The following ZIK1 variants were observed in gnomAD, a reference collection of about 807,000 sequenced individuals.
The protein encoded by ZIK1 is zinc finger protein interacting with K protein 1, also known as zinc finger protein interacting with ribonucleoprotein K.
A neutral mutation model predicts 10.7 loss-of-function variants in ZIK1; 12 were observed. The observed-to-expected ratio is 1.12, with a 90% confidence interval of 0.72 to 1.81. The LOEUF (loss-of-function observed/expected upper bound fraction) is 1.81, where lower values mean the gene tolerates loss of function less well. Among genes scored for constraint, ZIK1 ranks in the 40% most tolerant of loss-of-function variants. The pLI is 0.00. For synonymous variants in ZIK1, 190 were observed against 205.0 expected, an observed-to-expected ratio of 0.93 and a Z score of 0.63; for missense variants, 497 against 585.7, an observed-to-expected ratio of 0.85 and a Z score of 1.56.
intron 2 of ZIK1, 111 bp downstream of exon 2, chr19:57,585,101 G>A: frequency 1.0e-6 from 1 of 979,498 alleles, no homozygotes; most frequent in Non-Finnish European, 1.5e-6. Flanking sequence ...TTCACAAACT[G>A]GAAGCTTGAC....
chr19:57,589,444 C>T, intron 3 of ZIK1: 4 of 985,400 alleles, frequency 4.1e-6, no homozygotes, highest in Non-Finnish European at 4.8e-6. Context: ...TTATTTTTAT[C>T]TATGACTTCT....
intron 1 of ZIK1, 100 bp downstream of exon 1, chr19:57,584,489 G>A: frequency 4.8e-6 from 7 of 1,459,168 alleles, no homozygotes; most frequent in Non-Finnish European, 6.4e-6. Flanking sequence ...GTGGGGGCTC[G>A]TGGGTGGGGT....
Position 57,590,022 on chromosome 19 carries a change from G to A in ZIK1, c.211G>A (p.Gly71Arg). Residue 71 changes from glycine to arginine, a missense_variant, in exon 4 of 4, where the codon GGA becomes AGA. By Grantham distance (125) the Gly-to-Arg change is moderately radical (BLOSUM62 -2). Coordinates refer to ENST00000597850, the MANE Select transcript of ZIK1 (RefSeq NM_001010879.4). Reference protein sequence around the residue: ...ALVASLGCGHGTEDEETPSDQ... With the variant: ...ALVASLGCGHRTEDEETPSDQ... Reference sequence around the variant, plus strand: ...TTCTCTGCTTTCAGGTTGTGGCCATGGAACAGAGGATGAAGAGACACCTTC... The same window carrying A: ...TTCTCTGCTTTCAGGTTGTGGCCATAGAACAGAGGATGAAGAGACACCTTC... 1 of 1,612,352 alleles carries A rather than the reference G, an allele frequency of 6.2e-7. No individual in the cohort carries two copies.
chr19:57,586,080 C>T (rs1979132020), intron 2 of ZIK1, among the ~76,000 whole-genome samples: 1 of 151,972 alleles, frequency 6.6e-6, no homozygotes, highest in South Asian at 2.1e-4. Context: ...TAGCTATTAT[C>T]ATAGTCTGAG....
chr19:57,584,948 A>G lies in ZIK1; in HGVS notation c.34-4A>G, dbSNP rs1225638380. The G allele has an allele frequency of 2.5e-6, 4 of 1,613,740 alleles. No homozygotes were observed. The highest frequency in any genetic ancestry group is 2.2e-5 in the East Asian group (1 of 44,858). ...TGCCTTTCATGATCTTTGGCTTTCC[A>G]CAGGTTACTGTGTCTCCAGAAACAC... On this transcript the variant is annotated splice_polypyrimidine_tract_variant and splice_region_variant and intron_variant, in intron 1 of 3. Transcript: ENST00000597850.
Position 57,590,151 on chromosome 19 carries a change from C to G in ZIK1, c.340C>G (p.His114Asp). Reference sequence around the variant, plus strand: ...TGTCCCAGTCCTGAAAGATATTTTGCATCTAGCTGATCTCCCTGGGCAGAA... The same window carrying G: ...TGTCCCAGTCCTGAAAGATATTTTGGATCTAGCTGATCTCCCTGGGCAGAA... Reference protein sequence around the residue: ...MCVPVLKDILHLADLPGQKPY... With the variant: ...MCVPVLKDILDLADLPGQKPY... The change falls in exon 4 of 4, where the codon CAT becomes GAT. Residue 114 changes from histidine (H) to aspartate (D), a missense_variant. Coordinates refer to ENST00000597850, the MANE Select transcript of ZIK1 (RefSeq NM_001010879.4). 6.2e-7 allele frequency: 1 copy of G among 1,614,196 alleles called. No individual in the cohort carries two copies. Among genetic ancestry groups the G allele is most frequent in the Non-Finnish European group, 8.5e-7 (1 of 1,180,036 alleles).
rs769774857 is a variant in ZIK1 at position 57,590,959 on chromosome 19, A to G, written c.1148A>G (p.Gln383Arg). The G allele has an allele frequency of 1.7e-5, 28 of 1,614,132 alleles. No homozygotes were observed. The highest frequency in any genetic ancestry group is 2.4e-5 in the Non-Finnish European group (28 of 1,180,024). The change falls in exon 4 of 4, where the codon CAG becomes CGG. Residue 383 changes from glutamine to arginine, a missense_variant. By Grantham distance (43) the Gln-to-Arg change is conservative (BLOSUM62 1). Coordinates refer to ENST00000597850, the MANE Select transcript of ZIK1 (RefSeq NM_001010879.4). ...HTGAKPYECG[Q>R]CGKSFSQKAT... ...GGAGCAAAGCCTTATGAGTGTGGCC[A>G]GTGTGGGAAATCCTTTAGTCAAAAA...
At position 57,588,644 on chromosome 19, in the gene ZIK1, T is replaced by G. The variant is rs1264684647; in HGVS notation, c.178T>G (p.Phe60Val). The G allele has an allele frequency of 1.3e-6, 2 of 1,576,856 alleles. No individual in the cohort carries two copies. The highest frequency in any genetic ancestry group is 2.7e-5 in the African/African-American group (2 of 74,016). ...GTACCTTGAAGTGATGCTGGAGAAC[T>G]TTGCCCTTGTAGCCTCACTGGGTAA... ...LLYLEVMLEN[F>V]ALVASLGCGH... is the part of the protein sequence containing the mutation. The change falls in exon 3 of 4, where the codon TTT (phenylalanine) becomes GTT (valine). Residue 60 changes from phenylalanine (F) to valine (V), a missense_variant. By Grantham distance (50) the Phe-to-Val change is conservative (BLOSUM62 -1). Coordinates refer to ENST00000597850, the MANE Select transcript of ZIK1 (RefSeq NM_001010879.4).
In ZIK1 at chr19:57,591,001, A is replaced by G. The variant is rs1303176006; in HGVS notation, c.1190A>G (p.His397Arg). ...AGTCAAAAAGCTACCCTCATTAAAC[A>G]CCAGAGAGTTCACACTGGAGAAAGG... ...SFSQKATLIK[H>R]QRVHTGERPY... Residue 397 changes from histidine (H) to arginine (R), a missense_variant, in exon 4 of 4, where the codon CAC becomes CGC. Physicochemically the swap from His to Arg is conservative, Grantham distance 29. Transcript: ENST00000597850. 1 of 1,614,176 alleles carries G rather than the reference A, an allele frequency of 6.2e-7. No homozygotes were observed. The highest frequency in any genetic ancestry group is 1.7e-5 in the Admixed American group (1 of 60,016).
chr19:57,592,787 G>A lies in ZIK1; in HGVS notation c.*1512G>A, dbSNP rs1183725014. 6.6e-6 allele frequency: 1 copy of A among 152,198 alleles called. No homozygotes were observed. Among genetic ancestry groups the A allele is most frequent in the Non-Finnish European group, 1.5e-5 (1 of 68,040 alleles). 9.4% of individuals were successfully genotyped at this position (152,198 alleles called of 1,614,324 possible). ...AACATGTTTTACAAACTTTCTTGAT[G>A]TGTAAGTGACATGCCATAGTTTACA... On this transcript the variant is annotated 3_prime_UTR_variant, in exon 4 of 4. Coordinates refer to ENST00000597850, the MANE Select transcript of ZIK1 (RefSeq NM_001010879.4).
intron 3 of ZIK1, chr19:57,589,801 C>A: frequency 1.3e-6 from 1 of 751,142 alleles, no homozygotes; most frequent in Non-Finnish European, 1.6e-6. Context: ...TGTCCTTCAT[C>A]CCATCCTTGT....
At chr19:57,586,849 C>T (rs1377382065) in intron 2 of ZIK1, among the ~76,000 whole-genome samples, 1 of 152,176 alleles carries the variant, frequency 6.6e-6, no homozygotes, top group African/African-American at 2.4e-5. Context: ...ATTGCTTCCA[C>T]ATTTTCAGTT....
Position 57,588,659 on chromosome 19 carries a change from T to C in ZIK1, c.193T>C (p.Ser65Pro). 1 of 1,560,698 alleles carries C rather than the reference T, an allele frequency of 6.4e-7. No individual in the cohort carries two copies. The highest frequency in any genetic ancestry group is 1.2e-5 in the South Asian group (1 of 82,726). Residue 65 changes from serine (S) to proline (P), a missense_variant, in exon 3 of 4, where the codon TCA (serine) becomes CCA (proline). Transcript: ENST00000597850. ...GCTGGAGAACTTTGCCCTTGTAGCCTCACTGGGTAAGGCCCTAATACCAAC... is the reference window on the plus strand; with the variant it reads ...GCTGGAGAACTTTGCCCTTGTAGCCCCACTGGGTAAGGCCCTAATACCAAC... ...VMLENFALVA[S>P]LGCGHGTEDE...
chr19:57,587,485 TAAAC>T (rs1019050484), intron 2 of ZIK1, among the ~76,000 whole-genome samples: 4 of 152,132 alleles, frequency 2.6e-5, no homozygotes, highest in South Asian at 2.1e-4. Context: ...TGAGTGCTCT[TAAAC>T]AAAGAGGCCA....
chr19:57,589,211 C>T, intron 3 of ZIK1: 1 of 967,912 alleles, frequency 1.0e-6, no homozygotes, highest in Non-Finnish European at 1.2e-6. Context: ...CATAGCTAGA[C>T]AACTGAGGGT....
At chr19:57,585,230 G>A (rs1168239840) in intron 2 of ZIK1, among the ~76,000 whole-genome samples, 1 of 152,214 alleles carries the variant, frequency 6.6e-6, no homozygotes. Flanking sequence ...CAGTGAAGCT[G>A]AGCTGATTCA....
chr19:57,584,700 G>A lies in ZIK1; in HGVS notation c.34-252G>A, dbSNP rs1978971783. On this transcript the variant is annotated intron_variant, in intron 1 of 3. Coordinates refer to ENST00000597850, the MANE Select transcript of ZIK1 (RefSeq NM_001010879.4). ...GCATATGGTCTGAGTTAGGTCTTTC[G>A]AAGTTTTCCAAAAACCTCATGGAGT... 4 of 1,281,254 alleles carry A rather than the reference G, an allele frequency of 3.1e-6. No individual in the cohort carries two copies. The African/African-American group carries it at 6.1e-5, about 19-fold the overall frequency. The allele number at this position is 1,281,254 out of a possible 1,614,324, so 79.4% of individuals were successfully genotyped here. A position where few individuals can be genotyped will look rare whatever the true frequency, so the allele number is the denominator to read the frequency against.
chr19:57,585,030 C>G lies in ZIK1; in HGVS notation c.72+40C>G, dbSNP rs1475376942. 8 of 1,591,502 alleles carry G rather than the reference C, an allele frequency of 5.0e-6. No homozygotes were observed. The South Asian group carries it at 8.0e-5, about 16-fold the overall frequency. Reference sequence around the variant, plus strand: ...TCCCAGGCCCTCACTGGTCCTGGCCCCATCCTGGGGTTTTTTCATGGATCT... The same window carrying G: ...TCCCAGGCCCTCACTGGTCCTGGCCGCATCCTGGGGTTTTTTCATGGATCT... On this transcript the variant is annotated intron_variant, in intron 2 of 3. Coordinates refer to ENST00000597850, the MANE Select transcript of ZIK1 (RefSeq NM_001010879.4).
intron 2 of ZIK1, 28 bp from the exon 3 acceptor site, chr19:57,588,511 G>A (rs770567913): frequency 7.1e-7 from 1 of 1,415,448 alleles, no homozygotes; most frequent in South Asian, 1.7e-5. Flanking sequence ...GGCGTTGATT[G>A]TGGAGTGACC....
Sources: gnomAD v4.1 joint callset for allele counts (sites outside exome capture counted in the v4.1 genomes callset) on GRCh38, gnomAD v4.1.1 for gene constraint, MANE v1.5 for transcripts, NCBI Gene and HGNC (gene_info 2026-07-23, HGNC 2026-07-21) for gene names.